The following TAFA5 variants were observed in gnomAD, a reference collection of about 807,000 sequenced individuals.
TAFA5 encodes the protein chemokine-like protein TAFA-5.
A neutral mutation model predicts 15.3 loss-of-function variants in TAFA5; 6 were observed. That is an observed-to-expected ratio of 0.39 (90% CI 0.21 to 0.77). The LOEUF (loss-of-function observed/expected upper bound fraction) is 0.77. TAFA5 is among the 30% of genes least tolerant of loss of function. TAFA5 has a pLI of 0.41. For missense variants in TAFA5, 161 were observed against 193.1 expected, an observed-to-expected ratio of 0.83 and a Z score of 0.98; for synonymous variants, 103 against 80.7, an observed-to-expected ratio of 1.28 and a Z score of -1.48.
intron 3 of TAFA5, among the ~76,000 whole-genome samples, chr22:48,747,191 G>A (rs141172361): frequency 2.6e-5 from 4 of 152,344 alleles, no homozygotes; most frequent in African/African-American, 7.2e-5. Flanking sequence ...AAGGTTCCCT[G>A]TGAAGATGAC....
At position 48,500,653 on chromosome 22, in the gene TAFA5, G is replaced by T. The variant is rs181061848; in HGVS notation, c.112+10949G>T. On this transcript the variant is annotated intron_variant, in intron 1 of 3. Transcript: ENST00000402357. The stretch of plus-strand genomic sequence containing the variant: ...TGAAACACGCATACTTAGCAGGCCT[G>T]ACTTGCGCTTCCCGTGACGACGTGG... Among the ~76,000 whole-genome samples the T allele has an allele frequency of 8.5e-5, 13 of 152,372 alleles. No homozygotes were observed. In the East Asian group the frequency reaches 2.5e-3, roughly 29 times the overall value.
chr22:48,496,382 G>C (rs1003957897), intron 1 of TAFA5, among the ~76,000 whole-genome samples: 3 of 151,944 alleles, frequency 2.0e-5, no homozygotes, highest in African/African-American at 4.8e-5. Flanking sequence ...GGGCTCTCTG[G>C]ACAGATGCTT....
intron 1 of TAFA5, among the ~76,000 whole-genome samples, chr22:48,508,851 A>G (rs1921107510): frequency 6.6e-6 from 1 of 152,136 alleles, no homozygotes; most frequent in Non-Finnish European, 1.5e-5. Flanking sequence ...CAGGTTTCTT[A>G]ACATCTGCAG....
intron 1 of TAFA5, among the ~76,000 whole-genome samples, chr22:48,518,388 C>T (rs1921488709): frequency 1.3e-5 from 2 of 152,204 alleles, no homozygotes; most frequent in African/African-American, 4.8e-5. Context: ...AGGTGCCCGT[C>T]CTCCCCAAAC....
At chr22:48,642,190 T>G (rs1473802632) in intron 1 of TAFA5, among the ~76,000 whole-genome samples, 1 of 152,126 alleles carries the variant, frequency 6.6e-6, no homozygotes, top group Non-Finnish European at 1.5e-5. Flanking sequence ...GGCCTGCGCT[T>G]TGCTGAGGGT....
intron 2 of TAFA5, among the ~76,000 whole-genome samples, chr22:48,684,132 C>A (rs1358805451): frequency 1.3e-5 from 2 of 152,120 alleles, no homozygotes; most frequent in African/African-American, 4.8e-5. Context: ...TGAGCCGTTA[C>A]CTGAATTCCA....
intron 1 of TAFA5, among the ~76,000 whole-genome samples, chr22:48,580,714 C>T (rs1222621375): frequency 6.6e-6 from 1 of 152,216 alleles, no homozygotes; most frequent in Non-Finnish European, 1.5e-5. Context: ...TGCTTACGGC[C>T]AGCTGTGCCT....
chr22:48,590,167 G>A (rs1340462141), intron 1 of TAFA5, among the ~76,000 whole-genome samples: 3 of 152,164 alleles, frequency 2.0e-5, no homozygotes, highest in Admixed American at 2.0e-4. Flanking sequence ...CCATCCCGGA[G>A]GTGGAATGCC....
At chr22:48,680,643 C>A (rs574570419) in intron 2 of TAFA5, among the ~76,000 whole-genome samples, 2 of 152,348 alleles carry the variant, frequency 1.3e-5, no homozygotes, top group East Asian at 3.9e-4. Flanking sequence ...TGGGCACTGA[C>A]AGCCAGTGTG....
intron 1 of TAFA5, among the ~76,000 whole-genome samples, chr22:48,562,185 T>C (rs559789957): frequency 1.6e-5 from 2 of 121,682 alleles, no homozygotes; most frequent in Non-Finnish European, 3.1e-5. Context: ...TCGCCCAGGT[T>C]GGAGTGCAGT....
chr22:48,510,207 C>G (rs999692124), intron 1 of TAFA5, among the ~76,000 whole-genome samples: 1 of 152,174 alleles, frequency 6.6e-6, no homozygotes. Flanking sequence ...TTACACCAAA[C>G]TCAAAAGCTT....
intron 1 of TAFA5, among the ~76,000 whole-genome samples, chr22:48,542,572 T>TGC (rs1922475700): frequency 2.6e-5 from 3 of 116,588 alleles, no homozygotes; most frequent in African/African-American, 1.0e-4. Flanking sequence ...GTGGTGTGTG[T>TGC]GGTGTGTGTG....
At chr22:48,498,522 C>G (rs983402277) in intron 1 of TAFA5, among the ~76,000 whole-genome samples, 1 of 152,098 alleles carries the variant, frequency 6.6e-6, no homozygotes, top group Non-Finnish European at 1.5e-5. Flanking sequence ...AACTCAAACC[C>G]TCCTTTTGGC....
Position 48,507,428 on chromosome 22 carries a change from G to T in TAFA5, c.112+17724G>T, listed in dbSNP as rs532559572. ...CTGTGAACCCCCAACCCGGAGCCCT[G>T]GGGGGCTGAGAAGTCCTTGGAAAAT... On this transcript the variant is annotated intron_variant, in intron 1 of 3. Coordinates refer to ENST00000402357, the MANE Select transcript of TAFA5 (RefSeq NM_001082967.3). 7.6e-4 allele frequency among the ~76,000 whole-genome samples: 116 copies of T among 152,308 alleles called. 2 individuals carry two copies. The South Asian group carries it at 0.017, about 22-fold the overall frequency.
intron 1 of TAFA5, among the ~76,000 whole-genome samples, chr22:48,526,050 C>T (rs1295939702): frequency 6.6e-6 from 1 of 152,274 alleles, no homozygotes; most frequent in South Asian, 2.1e-4. Context: ...GATCTCTGCA[C>T]TCATCCTTTC....
At position 48,584,108 on chromosome 22, in the gene TAFA5, C is replaced by A. The variant is rs188229044; in HGVS notation, c.113-62489C>A. On this transcript the variant is annotated intron_variant, in intron 1 of 3. Coordinates refer to ENST00000402357, the MANE Select transcript of TAFA5 (RefSeq NM_001082967.3). The stretch of plus-strand genomic sequence containing the variant: ...TCACAAAATATATCACACACACACA[C>A]CACACACACACACCAATCACATGCA... Among the ~76,000 whole-genome samples the A allele has an allele frequency of 2.6e-3, 388 of 147,768 alleles. 1 individual carries two copies. The highest frequency in any genetic ancestry group is 9.2e-3 in the African/African-American group (368 of 40,136).
chr22:48,537,339 C>CG (rs1255029383), intron 1 of TAFA5, among the ~76,000 whole-genome samples: 2 of 152,204 alleles, frequency 1.3e-5, no homozygotes, highest in Non-Finnish European at 2.9e-5. Flanking sequence ...CTGGGAGAGA[C>CG]GGGGTCTGGC....
intron 1 of TAFA5, among the ~76,000 whole-genome samples, chr22:48,618,383 GAA>G (rs1925687976): frequency 6.6e-6 from 1 of 152,236 alleles, no homozygotes; most frequent in African/African-American, 2.4e-5. Context: ...GATTGAATTA[GAA>G]AAAGGCCATG....
intron 1 of TAFA5, among the ~76,000 whole-genome samples, chr22:48,614,973 A>G (rs570636526): frequency 6.6e-6 from 1 of 152,266 alleles, no homozygotes; most frequent in Non-Finnish European, 1.5e-5. Flanking sequence ...GAAGCCACGC[A>G]CTGTAAGAAC....
Sources: allele counts gnomAD v4.1 joint callset (sites outside exome capture counted in the v4.1 genomes callset), GRCh38; gene constraint gnomAD v4.1.1; transcripts MANE v1.5; gene names NCBI Gene and HGNC (gene_info 2026-07-23, HGNC 2026-07-21).